Variants in APP observed in about 807,000 individuals in gnomAD.
APP encodes amyloid-beta precursor protein.
Under a neutral mutation model 101.4 loss-of-function variants are expected in APP, and 31 were observed. That is an observed-to-expected ratio of 0.31 (90% CI 0.23 to 0.41). The LOEUF (loss-of-function observed/expected upper bound fraction) is 0.41, where lower values mean the gene tolerates loss of function less well. APP is among the 10% of genes least tolerant of loss of function. The pLI, the probability that APP is intolerant of heterozygous loss-of-function variation, is 1.00. For synonymous variants in APP, 366 were observed against 364.4 expected, an observed-to-expected ratio of 1.00 and a Z score of -0.05; for missense variants, 839 against 1,003.7, an observed-to-expected ratio of 0.84 and a Z score of 2.22.
At chr21:25,963,014 AT>A (rs754621604) in intron 11 of APP, among the ~76,000 whole-genome samples, 2 of 152,052 alleles carry the variant, frequency 1.3e-5, no homozygotes, top group Admixed American at 6.5e-5. Context: ...GGGTTTCACT[AT>A]GTTGGATAGG....
chr21:25,970,200 T>G (rs2041978069), intron 11 of APP, among the ~76,000 whole-genome samples: 1 of 152,042 alleles, frequency 6.6e-6, no homozygotes, highest in Non-Finnish European at 1.5e-5. Flanking sequence ...AGGCCCACAA[T>G]AAGCACGATT....
chr21:26,057,094 C>G (rs1337417325), intron 3 of APP, among the ~76,000 whole-genome samples: 2 of 152,208 alleles, frequency 1.3e-5, no homozygotes, highest in African/African-American at 4.8e-5. Flanking sequence ...TCTACTCAAA[C>G]TTGCTGTGAA....
At chr21:26,093,505 G>T (rs1040839166) in intron 2 of APP, among the ~76,000 whole-genome samples, 2 of 152,136 alleles carry the variant, frequency 1.3e-5, no homozygotes, top group African/African-American at 2.4e-5. Context: ...CAGGAGAAAA[G>T]GATCTCTTTT....
chr21:26,027,671 G>A (rs1281308087), intron 5 of APP, among the ~76,000 whole-genome samples: 1 of 152,018 alleles, frequency 6.6e-6, no homozygotes, highest in Non-Finnish European at 1.5e-5. Flanking sequence ...AGGATTCTAG[G>A]GGCCAGCAAG....
intron 1 of APP, among the ~76,000 whole-genome samples, chr21:26,153,308 T>G (rs1361505139): frequency 6.6e-6 from 1 of 152,166 alleles, no homozygotes; most frequent in East Asian, 1.9e-4. Flanking sequence ...AATTATTCTC[T>G]CAAAAATTTT....
intron 3 of APP, among the ~76,000 whole-genome samples, chr21:26,088,928 T>C (rs1301699187): frequency 6.6e-6 from 1 of 152,226 alleles, no homozygotes; most frequent in African/African-American, 2.4e-5. Context: ...TCTCAAATTA[T>C]GCACATGAAT....
At chr21:25,932,876 C>A (rs931293339) in intron 13 of APP, among the ~76,000 whole-genome samples, 3 of 151,998 alleles carry the variant, frequency 2.0e-5, no homozygotes, top group African/African-American at 7.3e-5. Context: ...AATATTAAAG[C>A]ATACTCAACT....
intron 10 of APP, among the ~76,000 whole-genome samples, chr21:25,975,712 A>AAG (rs1175721732): frequency 1.3e-5 from 2 of 152,236 alleles, no homozygotes; most frequent in Non-Finnish European, 2.9e-5. Context: ...TATTAATAAA[A>AAG]AGTAGATTGC....
intron 5 of APP, among the ~76,000 whole-genome samples, chr21:26,023,461 G>A (rs570188591): frequency 2.0e-5 from 3 of 151,740 alleles, no homozygotes; most frequent in Non-Finnish European, 4.4e-5. Context: ...GATTGCTTGA[G>A]CCCAGGAGTT....
chr21:25,903,484 A>C (rs749096666), intron 15 of APP, among the ~76,000 whole-genome samples: 4 of 152,100 alleles, frequency 2.6e-5, no homozygotes, highest in African/African-American at 4.8e-5. Context: ...TCCTGGCCCA[A>C]TGTAGAAATT....
At chr21:26,153,311 A>C (rs2063315325) in intron 1 of APP, among the ~76,000 whole-genome samples, 1 of 152,212 alleles carries the variant, frequency 6.6e-6, no homozygotes, top group African/African-American at 2.4e-5. Context: ...TATTCTCTCA[A>C]AAATTTTAAG....
intron 9 of APP, among the ~76,000 whole-genome samples, chr21:25,979,588 T>C (rs1310580545): frequency 1.3e-5 from 2 of 152,144 alleles, no homozygotes; most frequent in Non-Finnish European, 2.9e-5. Flanking sequence ...GGACAACATC[T>C]CTTAGGTTAT....
intron 7 of APP, among the ~76,000 whole-genome samples, chr21:25,999,319 T>A (rs887895049): frequency 3.9e-5 from 6 of 152,072 alleles, no homozygotes; most frequent in Non-Finnish European, 7.4e-5. Flanking sequence ...TAAAATTATG[T>A]TCCTCGAGCC....
intron 8 of APP, among the ~76,000 whole-genome samples, chr21:25,994,331 G>GTT (rs527336754): frequency 6.6e-6 from 1 of 150,698 alleles, no homozygotes; most frequent in Non-Finnish European, 1.5e-5. Context: ...ATGAGAAAGG[G>GTT]TTTTTTTTTA....
In APP at chr21:25,955,615, C is replaced by T. The variant is rs757677260; in HGVS notation, c.1587+12G>A. On this transcript the variant is annotated intron_variant, in intron 12 of 17. Transcript: ENST00000346798. ...GTCAAAGCTGCAGAAGATGATTATA[C>T]CCCACGCTTACCTGGGACCGGATCT... 1.9e-6 allele frequency: 3 copies of T among 1,613,862 alleles called. No individual in the cohort carries two copies. The highest frequency in any genetic ancestry group is 1.3e-5 in the African/African-American group (1 of 74,884).
intron 3 of APP, among the ~76,000 whole-genome samples, chr21:26,053,873 A>G (rs1458276075): frequency 6.6e-6 from 1 of 152,204 alleles, no homozygotes; most frequent in African/African-American, 2.4e-5. Context: ...GAGAGAGTTT[A>G]ATTCAGTTTA....
chr21:25,954,535 T>C, intron 13 of APP, 55 bp downstream of exon 13: 1 of 1,474,440 alleles, frequency 6.8e-7, no homozygotes, highest in Non-Finnish European at 9.4e-7. Flanking sequence ...TCCTCAATTT[T>C]CCTCTGGGGG....
intron 1 of APP, among the ~76,000 whole-genome samples, chr21:26,116,590 G>A (rs1263377902): frequency 6.6e-6 from 1 of 152,156 alleles, no homozygotes; most frequent in Non-Finnish European, 1.5e-5. Flanking sequence ...ATTCCTTATA[G>A]AGCAGGCTTG....
chr21:26,043,287 G>GT (rs2045458857), intron 5 of APP, among the ~76,000 whole-genome samples: 2 of 151,856 alleles, frequency 1.3e-5, no homozygotes, highest in Admixed American at 1.3e-4. Context: ...CCAGGCTGAA[G>GT]TGCAGTGGTG....
Sources: allele counts gnomAD v4.1 joint callset (sites outside exome capture counted in the v4.1 genomes callset), GRCh38; gene constraint gnomAD v4.1.1; transcripts MANE v1.5; gene names NCBI Gene and HGNC (gene_info 2026-07-23, HGNC 2026-07-21).